The following ANKFN1 variants were observed in gnomAD, a reference collection of about 807,000 sequenced individuals.
ANKFN1 encodes the protein ankyrin repeat and fibronectin type III domain containing 1.
ANKFN1 carries 74 observed loss-of-function variants against 108.7 expected under a neutral mutation model. The observed-to-expected ratio is 0.68, with a 90% confidence interval of 0.56 to 0.83. The LOEUF is 0.83. Among genes scored for constraint, ANKFN1 ranks in the 40% least tolerant of loss-of-function variants. The probability of loss-of-function intolerance (pLI) is 0.00; values close to 1 mark genes in which losing one functional copy is unlikely to be tolerated. For missense variants in ANKFN1, 1,505 were observed against 1,382.3 expected (o/e 1.09, Z -1.41); for synonymous variants, 547 against 516.2 (o/e 1.06, Z -0.81).
chr17:56,118,431 A>C (rs1906405502), intron 4 of ANKFN1, among the ~76,000 whole-genome samples: 1 of 152,172 alleles, frequency 6.6e-6, no homozygotes, highest in Non-Finnish European at 1.5e-5. Flanking sequence ...TTTGCATATA[A>C]ATATCTGTCA....
chr17:56,351,481 G>A (rs772932394), intron 5 of ANKFN1, among the ~76,000 whole-genome samples: 5 of 151,858 alleles, frequency 3.3e-5, no homozygotes, highest in Non-Finnish European at 7.4e-5. Context: ...AAAATATTGG[G>A]TATAAGAATA....
intron 4 of ANKFN1, among the ~76,000 whole-genome samples, chr17:56,091,276 C>T (rs148706612): frequency 0.013 from 1,908 of 151,144 alleles, 94 homozygotes; most frequent in African/African-American, 0.044. Flanking sequence ...AACTGTAAAA[C>T]ACAATGAAAC....
intron 20 of ANKFN1, among the ~76,000 whole-genome samples, chr17:56,507,223 A>G (rs2145481871): frequency 6.6e-6 from 1 of 152,312 alleles, no homozygotes; most frequent in Non-Finnish European, 1.5e-5. Flanking sequence ...TTGAAATCCT[A>G]TTACTTGCAG....
chr17:56,302,840 A>G (rs921583773), intron 3 of ANKFN1, among the ~76,000 whole-genome samples: 1 of 152,200 alleles, frequency 6.6e-6, no homozygotes, highest in Non-Finnish European at 1.5e-5. Flanking sequence ...TTTCTGTGTC[A>G]AGTAATACAT....
At chr17:56,048,496 TAAATTAGGAGCTGTA>T in intron 4 of ANKFN1, among the ~76,000 whole-genome samples, 1 of 152,092 alleles carries the variant, frequency 6.6e-6, no homozygotes, top group Middle Eastern at 3.4e-3. Flanking sequence ...TTTCTCTCCC[TAAATTAGGAGCTGTA>T]AAATTATACT....
chr17:56,263,034 T>C (rs2043559913), intron 3 of ANKFN1, among the ~76,000 whole-genome samples: 1 of 152,116 alleles, frequency 6.6e-6, no homozygotes, highest in Non-Finnish European at 1.5e-5. Context: ...AAAGGTTGAG[T>C]CACAGAGGCA....
At chr17:56,438,031 G>C (rs2048982688) in intron 8 of ANKFN1, among the ~76,000 whole-genome samples, 1 of 145,656 alleles carries the variant, frequency 6.9e-6, no homozygotes, top group African/African-American at 2.6e-5. Context: ...CATTTGATTT[G>C]TAAGTATTTA....
chr17:56,401,393 G>A (rs78669528), intron 8 of ANKFN1, among the ~76,000 whole-genome samples: 86,774 of 136,356 alleles, frequency 0.64, 27,719 homozygotes, highest in East Asian at 0.95. Flanking sequence ...GTTGTGTTGT[G>A]TTGTGTTGTG....
At chr17:56,244,475 C>T (rs561873884) in intron 3 of ANKFN1, among the ~76,000 whole-genome samples, 1 of 152,072 alleles carries the variant, frequency 6.6e-6, no homozygotes, top group Admixed American at 6.6e-5. Flanking sequence ...CTCTCAGGGT[C>T]CAGCAGCCAA....
chr17:56,269,679 T>A (rs1433977118), intron 3 of ANKFN1, among the ~76,000 whole-genome samples: 5 of 152,186 alleles, frequency 3.3e-5, no homozygotes, highest in Non-Finnish European at 7.4e-5. Flanking sequence ...ACCCGCAGCA[T>A]AACAAGGCCT....
chr17:56,384,696 T>C (rs1428828213), intron 8 of ANKFN1, among the ~76,000 whole-genome samples: 2 of 152,068 alleles, frequency 1.3e-5, no homozygotes, highest in African/African-American at 4.8e-5. Context: ...GAGAGCCAAA[T>C]CATGAGTGAA....
At chr17:56,201,030 G>A (rs563531152) in intron 1 of ANKFN1, among the ~76,000 whole-genome samples, 12 of 152,244 alleles carry the variant, frequency 7.9e-5, no homozygotes, top group African/African-American at 2.6e-4. Context: ...TCTAATGGTG[G>A]AGCCCTCACA....
At chr17:56,278,007 C>T (rs2043977999) in intron 3 of ANKFN1, among the ~76,000 whole-genome samples, 1 of 152,148 alleles carries the variant, frequency 6.6e-6, no homozygotes, top group Non-Finnish European at 1.5e-5. Flanking sequence ...ATTTGAAAAA[C>T]CCTTGCTTCC....
chr17:56,258,445 T>C (rs1300718257), intron 3 of ANKFN1: 1 of 152,186 alleles, frequency 6.6e-6, no homozygotes, highest in Non-Finnish European at 1.5e-5. Flanking sequence ...TGATGCTGGG[T>C]TCCACGTTGG....
chr17:56,071,012 G>C (rs868793446), intron 4 of ANKFN1, among the ~76,000 whole-genome samples: 2 of 152,100 alleles, frequency 1.3e-5, no homozygotes, highest in Non-Finnish European at 2.9e-5. Context: ...GGGATTACAG[G>C]CATAAGCCAC....
intron 8 of ANKFN1, among the ~76,000 whole-genome samples, chr17:56,413,007 T>C (rs1447357790): frequency 6.6e-6 from 1 of 152,226 alleles, no homozygotes; most frequent in African/African-American, 2.4e-5. Context: ...ATTGTTTCTA[T>C]AGTGTCTTGT....
chr17:56,275,899 A>G (rs934231058), intron 3 of ANKFN1, among the ~76,000 whole-genome samples: 2 of 152,152 alleles, frequency 1.3e-5, no homozygotes, highest in Non-Finnish European at 2.9e-5. Flanking sequence ...TCTAGGGTAC[A>G]TGTGTACAAC....
chr17:56,223,550 G>T lies in ANKFN1; in HGVS notation c.13-4367G>T, dbSNP rs1046002735. ...CAAAAAACAGCAAAATTCCAATACC[G>T]TAGGAGAAGCCATTGGCAGTGTTTA... On this transcript the variant is annotated intron_variant, in intron 2 of 20. Coordinates refer to ENST00000682825, the MANE Select transcript of ANKFN1 (RefSeq NM_001370326.1). 1.3e-5 allele frequency among the ~76,000 whole-genome samples: 2 copies of T among 152,144 alleles called. 1 individual carries two copies. The highest frequency in any genetic ancestry group is 4.1e-4 in the South Asian group (2 of 4,824).
At chr17:56,129,487 TA>T (rs11285113) in intron 4 of ANKFN1, among the ~76,000 whole-genome samples, 52,178 of 146,146 alleles carry the variant, frequency 0.36, 9,395 homozygotes, top group East Asian at 0.53. Context: ...AACCACTCCA[TA>T]AAAAAAAAAA....
Sources: gnomAD v4.1 joint callset for allele counts (sites outside exome capture counted in the v4.1 genomes callset) on GRCh38, gnomAD v4.1.1 for gene constraint, MANE v1.5 for transcripts, NCBI Gene and HGNC (gene_info 2026-07-23, HGNC 2026-07-21) for gene names.